CAMK4: variants seen among roughly 807,000 people sequenced by gnomAD.
CAMK4 encodes calcium/calmodulin dependent protein kinase IV.
CAMK4 carries 22 observed loss-of-function variants against 44.9 expected under a neutral mutation model. That is an observed-to-expected ratio of 0.49 (90% CI 0.35 to 0.70). The LOEUF (loss-of-function observed/expected upper bound fraction) is 0.70. Among genes scored for constraint, CAMK4 ranks in the 30% least tolerant of loss-of-function variants. The probability of loss-of-function intolerance (pLI) is 0.01; values close to 1 mark genes in which losing one functional copy is unlikely to be tolerated. For missense variants in CAMK4, 498 were observed against 586.8 expected, an observed-to-expected ratio of 0.85 and a Z score of 1.56; for synonymous variants, 218 against 215.4, an observed-to-expected ratio of 1.01 and a Z score of -0.11.
chr5:111,242,694 C>T (rs532391180), intron 1 of CAMK4, among the ~76,000 whole-genome samples: 5 of 152,210 alleles, frequency 3.3e-5, no homozygotes, highest in Non-Finnish European at 7.4e-5. Flanking sequence ...TTGCGCTTGC[C>T]GTCTTACGCC....
At chr5:111,343,462 A>G (rs1749727838) in intron 1 of CAMK4, among the ~76,000 whole-genome samples, 1 of 151,732 alleles carries the variant, frequency 6.6e-6, no homozygotes, top group South Asian at 2.1e-4. Flanking sequence ...ATGCTTTCTT[A>G]TTAATAACCC....
intron 5 of CAMK4, among the ~76,000 whole-genome samples, chr5:111,420,144 G>T (rs1752970701): frequency 6.7e-6 from 1 of 150,064 alleles, no homozygotes; most frequent in Non-Finnish European, 1.5e-5. Context: ...AGTTCTCCTT[G>T]AAGAGGTCCT....
Position 111,486,670 on chromosome 5 carries a change from T to C in CAMK4, c.*2204T>C, listed in dbSNP as rs748964371. On this transcript the variant is annotated 3_prime_UTR_variant, in exon 11 of 11. Transcript: ENST00000282356. ...ATTGTTCCAAGGGCAGTTGTTACAT[T>C]ATTTCAACACTAGAGTAGGGCGGAC... 1.3e-5 allele frequency: 2 copies of C among 152,092 alleles called. No individual in the cohort carries two copies. The highest frequency in any genetic ancestry group is 6.6e-5 in the Admixed American group (1 of 15,264). 9.4% of individuals were successfully genotyped at this position (152,092 alleles called of 1,614,324 possible).
intron 1 of CAMK4, among the ~76,000 whole-genome samples, chr5:111,327,502 A>G (rs1400299012): frequency 6.6e-6 from 1 of 152,204 alleles, no homozygotes; most frequent in Non-Finnish European, 1.5e-5. Flanking sequence ...AGCATGATTT[A>G]CAGTCCTTTG....
At chr5:111,298,579 G>T (rs1747585811) in intron 1 of CAMK4, among the ~76,000 whole-genome samples, 1 of 152,228 alleles carries the variant, frequency 6.6e-6, no homozygotes, top group Admixed American at 6.5e-5. Context: ...ATAACGGGGA[G>T]CCACTATGCT....
chr5:111,266,209 CACACACA>C, intron 1 of CAMK4: 1 of 125,420 alleles, frequency 8.0e-6, no homozygotes, highest in Non-Finnish European at 1.6e-5. Flanking sequence ...CACACACACA[CACACACA>C]CACACACACA....
intron 1 of CAMK4, among the ~76,000 whole-genome samples, chr5:111,277,810 T>C (rs1750839823): frequency 6.6e-6 from 1 of 152,144 alleles, no homozygotes; most frequent in Non-Finnish European, 1.5e-5. Flanking sequence ...ACCAAATGAT[T>C]TTATAAACTG....
intron 5 of CAMK4, among the ~76,000 whole-genome samples, chr5:111,440,565 C>G (rs760397577): frequency 2.0e-5 from 3 of 150,012 alleles, no homozygotes; most frequent in Non-Finnish European, 3.0e-5. Flanking sequence ...ATGACATATT[C>G]TATTTATAAG....
chr5:111,402,468 A>G (rs1054121301), intron 5 of CAMK4, among the ~76,000 whole-genome samples: 5 of 152,258 alleles, frequency 3.3e-5, no homozygotes, highest in Non-Finnish European at 5.9e-5. Flanking sequence ...GTCTGTATTT[A>G]GTACTGAGTG....
intron 4 of CAMK4, among the ~76,000 whole-genome samples, chr5:111,380,140 G>A (rs747899732): frequency 1.4e-4 from 21 of 151,978 alleles, no homozygotes; most frequent in South Asian, 2.1e-4. Flanking sequence ...AGCAAGTTTC[G>A]AAGTTTTTTT....
intron 1 of CAMK4, among the ~76,000 whole-genome samples, chr5:111,308,429 A>T (rs897991009): frequency 6.6e-6 from 1 of 152,236 alleles, no homozygotes; most frequent in Non-Finnish European, 1.5e-5. Context: ...TTTTTGTTTT[A>T]TGAAATAATT....
intron 1 of CAMK4, among the ~76,000 whole-genome samples, chr5:111,250,231 T>C (rs1749428099): frequency 6.6e-6 from 1 of 152,208 alleles, no homozygotes; most frequent in Non-Finnish European, 1.5e-5. Context: ...TTGACAGAGG[T>C]AATGCATAGT....
At chr5:111,480,482 G>A (rs1334157135) in intron 9 of CAMK4, among the ~76,000 whole-genome samples, 2 of 152,066 alleles carry the variant, frequency 1.3e-5, no homozygotes, top group Non-Finnish European at 1.5e-5. Context: ...TAGATTTTAA[G>A]CTCTGGGGCA....
intron 5 of CAMK4, among the ~76,000 whole-genome samples, chr5:111,444,276 A>G (rs905950598): frequency 1.4e-4 from 21 of 152,194 alleles, no homozygotes; most frequent in Non-Finnish European, 2.8e-4. Context: ...TCATTTGGAA[A>G]ACAAATATTA....
chr5:111,415,998 CTGAA>C (rs2112905230), intron 5 of CAMK4, among the ~76,000 whole-genome samples: 1 of 152,232 alleles, frequency 6.6e-6, no homozygotes, highest in Admixed American at 6.5e-5. Flanking sequence ...CTAAGCATCA[CTGAA>C]TGTTGGTGTC....
intron 1 of CAMK4, among the ~76,000 whole-genome samples, chr5:111,259,478 G>T (rs550807673): frequency 1.1e-4 from 17 of 152,238 alleles, no homozygotes; most frequent in African/African-American, 4.1e-4. Context: ...GAAAAAATAC[G>T]AAAGCAAAGG....
At chr5:111,478,100 TATA>T (rs931422920) in intron 8 of CAMK4, among the ~76,000 whole-genome samples, 99 of 150,302 alleles carry the variant, frequency 6.6e-4, no homozygotes, top group East Asian at 3.1e-3. Context: ...TAATAAGAAT[TATA>T]ATAATAATTA....
At chr5:111,327,236 C>T (rs1365216558) in intron 1 of CAMK4, among the ~76,000 whole-genome samples, 11 of 151,578 alleles carry the variant, frequency 7.3e-5, no homozygotes, top group African/African-American at 2.7e-4. Context: ...TCAATTCCCA[C>T]CTATGAGTGA....
intron 1 of CAMK4, among the ~76,000 whole-genome samples, chr5:111,328,582 A>T (rs545770063): frequency 1.5e-4 from 23 of 152,156 alleles, no homozygotes; most frequent in Middle Eastern, 3.4e-3. Flanking sequence ...ATGGCATTGA[A>T]TCTATAAAAT....
Sources: gnomAD v4.1 joint callset for allele counts (sites outside exome capture counted in the v4.1 genomes callset) on GRCh38, gnomAD v4.1.1 for gene constraint, MANE v1.5 for transcripts, NCBI Gene and HGNC (gene_info 2026-07-23, HGNC 2026-07-21) for gene names.